MEX3C: variants seen among roughly 807,000 people sequenced by gnomAD.
MEX3C encodes RNA-binding E3 ubiquitin-protein ligase MEX3C.
In MEX3C, 15 loss-of-function variants were observed where a neutral mutation model predicts 35.5. That is an observed-to-expected ratio of 0.42 (90% CI 0.28 to 0.65). The LOEUF (loss-of-function observed/expected upper bound fraction) is 0.65. MEX3C is among the 30% of genes least tolerant of loss of function. The probability of loss-of-function intolerance (pLI) is 0.20; values close to 1 mark genes in which losing one functional copy is unlikely to be tolerated. For synonymous variants in MEX3C, 390 were observed against 352.8 expected (o/e 1.11, Z -1.18); for missense variants, 711 against 842.8 (o/e 0.84, Z 1.94).
chr18:51,177,205 T>A lies in MEX3C; in HGVS notation c.1126A>T (p.Met376Leu), dbSNP rs765338708. The A allele has an allele frequency of 6.2e-7, 1 of 1,613,876 alleles. No homozygotes were observed. Among genetic ancestry groups the A allele is most frequent in the Non-Finnish European group, 8.5e-7 (1 of 1,179,900 alleles). The change falls in exon 2 of 2, where the codon ATG becomes TTG. Residue 376 changes from methionine to leucine, a missense_variant. Met to Leu is a conservative substitution (Grantham distance 15). Transcript: ENST00000406189. The surrounding 1 kb of genome is among the most constrained non-coding windows in gnomAD (Gnocchi z 4.2). Reference sequence around the variant, plus strand: ...CGTGCTCGGTCAACATTTTCAGGCATCCCTGTCACTTCAAAGACAGGTTCC... The same window carrying A: ...CGTGCTCGGTCAACATTTTCAGGCAACCCTGTCACTTCAAAGACAGGTTCC... ...DKEPVFEVTG[M>L]PENVDRAREE...
Position 51,177,146 on chromosome 18 carries a change from T to C in MEX3C, c.1185A>G (p.Thr395=), listed in dbSNP as rs780376177. The change falls in exon 2 of 2, where the codon ACA becomes ACG. Residue 395 remains threonine, a synonymous_variant. Transcript: ENST00000406189. This position sits in a 1 kb window ranked among gnomAD's most constrained non-coding sequence, Gnocchi z 4.2. ...EEIEMHIAMR[T]GNYIELNEEN... ...CTTCATTGAGCTCTATATAGTTTCC[T>C]GTACGCATGGCAATATGCATTTCTA... 1.2e-6 allele frequency: 2 copies of C among 1,613,828 alleles called. No homozygotes were observed. The highest frequency in any genetic ancestry group is 1.7e-5 in the Admixed American group (1 of 60,006).
At chr18:51,181,014 G>A (rs1344208002) in intron 1 of MEX3C, among the ~76,000 whole-genome samples, 2 of 152,106 alleles carry the variant, frequency 1.3e-5, no homozygotes, top group African/African-American at 4.8e-5. Flanking sequence ...CTTTTTAAAA[G>A]GTGACACAAA....
rs776224061 is a variant in MEX3C, at chr18:51,176,730, C to A, written c.1601G>T (p.Arg534Leu). 2 of 1,613,978 alleles carry A rather than the reference C, an allele frequency of 1.2e-6. No homozygotes were observed. The highest frequency in any genetic ancestry group is 1.7e-6 in the Non-Finnish European group (2 of 1,179,896). The change falls in exon 2 of 2, where the codon CGC (arginine) becomes CTC (leucine). Residue 534 changes from arginine to leucine, a missense_variant. By Grantham distance (102) the Arg-to-Leu change is moderately radical. Transcript: ENST00000406189. ...AGGAGTAGATGGCTGACTTCCTCTGCGCTGAGTCTTCATGTTACCAGAAGG... is the reference window on the plus strand; with the variant it reads ...AGGAGTAGATGGCTGACTTCCTCTGAGCTGAGTCTTCATGTTACCAGAAGG... ...SDPSGNMKTQ[R>L]RGSQPSTPRL...
At chr18:51,183,617 G>A (rs780639453) in intron 1 of MEX3C, among the ~76,000 whole-genome samples, 5 of 152,136 alleles carry the variant, frequency 3.3e-5, no homozygotes, top group Non-Finnish European at 7.3e-5. Context: ...ATCCAAATCA[G>A]TTCAGCTTAA....
At chr18:51,180,470 A>G (rs1207938724) in intron 1 of MEX3C, among the ~76,000 whole-genome samples, 1 of 152,004 alleles carries the variant, frequency 6.6e-6, no homozygotes, top group Non-Finnish European at 1.5e-5. Flanking sequence ...CAGCAAAGCC[A>G]ACCCTGGTTT....
rs1243120015 is a variant in MEX3C at position 51,177,202 on chromosome 18, G to C, written c.1129C>G (p.Pro377Ala). The part of the protein sequence containing the change: ...KEPVFEVTGM[P>A]ENVDRAREEI... ...TCCCGTGCTCGGTCAACATTTTCAGGCATCCCTGTCACTTCAAAGACAGGT... is the reference window on the plus strand; with the variant it reads ...TCCCGTGCTCGGTCAACATTTTCAGCCATCCCTGTCACTTCAAAGACAGGT... The change falls in exon 2 of 2, where the codon CCT becomes GCT. Residue 377 changes from proline to alanine, a missense_variant. Around this residue, in one of 4 missense-constraint regions of MEX3C, gnomAD observed 83 missense variants for 179.1 expected, o/e 0.46. Transcript: ENST00000406189. This position sits in a 1 kb window ranked among gnomAD's most constrained non-coding sequence, Gnocchi z 4.2. 6.2e-7 allele frequency: 1 copy of C among 1,613,644 alleles called. No individual in the cohort carries two copies. Among genetic ancestry groups the C allele is most frequent in the African/African-American group, 1.3e-5 (1 of 75,012 alleles).
rs183141947 is a variant in MEX3C at position 51,177,026 on chromosome 18, G to A, written c.1305C>T (p.Arg435=). ...WLSSNPVPPS[R]ARMISNYRND... ...TTCGATAATTGGATATCATTCTTGC[G>A]CGGCTAGGAGGAACAGGATTGGAGG... Residue 435 remains arginine (R), a synonymous_variant, in exon 2 of 2, where the codon CGC becomes CGT. Coordinates refer to ENST00000406189, the MANE Select transcript of MEX3C (RefSeq NM_016626.5). This position sits in a 1 kb window ranked among gnomAD's most constrained non-coding sequence, Gnocchi z 4.2. 31 of 1,613,964 alleles carry A rather than the reference G, an allele frequency of 1.9e-5. No individual in the cohort carries two copies. The highest frequency in any genetic ancestry group is 1.3e-4 in the Admixed American group (8 of 60,006).
At chr18:51,189,903 T>A (rs1410322558) in intron 1 of MEX3C, among the ~76,000 whole-genome samples, 1 of 152,208 alleles carries the variant, frequency 6.6e-6, no homozygotes, top group African/African-American at 2.4e-5. Flanking sequence ...TTACATAATT[T>A]ATTGGTATAG....
chr18:51,176,534 A>G lies in MEX3C; in HGVS notation c.1797T>C (p.Pro599=). 6.2e-7 allele frequency: 1 copy of G among 1,613,922 alleles called. No individual in the cohort carries two copies. Among genetic ancestry groups the G allele is most frequent in the Non-Finnish European group, 8.5e-7 (1 of 1,179,886 alleles). Residue 599 remains proline, a synonymous_variant, in exon 2 of 2, where the codon CCT becomes CCC. Coordinates refer to ENST00000406189, the MANE Select transcript of MEX3C (RefSeq NM_016626.5). ...AGTCGTGCTTTCGTCTTGATTCTGG[A>G]GGTGAGCTAGAGGTGGAACCACCAT... The part of the protein sequence containing the change: ...SSNGGSTSSS[P]PESRRKHDCV...
rs35265343 is a variant in MEX3C at position 51,177,359 on chromosome 18, G to A, written c.972C>T (p.Pro324=). ...LGGLSCSPNL[P]GQTTVQVRVP... ...CCCTGACTTGGACGGTGGTTTGACC[G>A]GGCAGATTAGGACTACATGATAATC... The change falls in exon 2 of 2, where the codon CCC becomes CCT. Residue 324 remains proline, a synonymous_variant. Coordinates refer to ENST00000406189, the MANE Select transcript of MEX3C (RefSeq NM_016626.5). The surrounding 1 kb of genome is among the most constrained non-coding windows in gnomAD (Gnocchi z 4.2). The A allele has an allele frequency of 7.7e-5, 125 of 1,613,900 alleles. No homozygotes were observed. Among genetic ancestry groups the A allele is most frequent in the Non-Finnish European group, 1.0e-4 (120 of 1,179,882 alleles).
Position 51,196,548 on chromosome 18 carries a change from T to A in MEX3C, c.754+19A>T, listed in dbSNP as rs1261177063. 1.3e-6 allele frequency: 2 copies of A among 1,559,128 alleles called. No individual in the cohort carries two copies. The highest frequency in any genetic ancestry group is 8.6e-7 in the Non-Finnish European group (1 of 1,160,620). On this transcript the variant is annotated intron_variant, in intron 1 of 1. Transcript: ENST00000406189. ...GCCCGGGGCCATGCCCAGCTGGACCTCCCCACCCCTGCACTCACCCTGGCG... is the reference window on the plus strand; with the variant it reads ...GCCCGGGGCCATGCCCAGCTGGACCACCCCACCCCTGCACTCACCCTGGCG...
At chr18:51,190,435 A>G (rs1912627521) in intron 1 of MEX3C, among the ~76,000 whole-genome samples, 1 of 152,234 alleles carries the variant, frequency 6.6e-6, no homozygotes, top group Admixed American at 6.5e-5. Flanking sequence ...CTTCCCCTTC[A>G]ATCATGTTCA....
chr18:51,180,126 GA>G (rs1398481754), intron 1 of MEX3C, among the ~76,000 whole-genome samples: 2 of 151,926 alleles, frequency 1.3e-5, no homozygotes, highest in African/African-American at 4.8e-5. Context: ...AAATAAAAGA[GA>G]AAAAAGAAAA....
At chr18:51,187,870 T>C (rs925327750) in intron 1 of MEX3C, among the ~76,000 whole-genome samples, 2 of 152,242 alleles carry the variant, frequency 1.3e-5, no homozygotes, top group African/African-American at 2.4e-5. Flanking sequence ...TTTCATTTTA[T>C]AGAAACACAT....
chr18:51,185,508 C>T (rs924672398), intron 1 of MEX3C, among the ~76,000 whole-genome samples: 7 of 152,216 alleles, frequency 4.6e-5, no homozygotes, highest in Non-Finnish European at 7.3e-5. Context: ...TGCAACATCC[C>T]TTTTGCCAAA....
intron 1 of MEX3C, chr18:51,196,288 TG>T (rs1912784978): frequency 1.6e-6 from 1 of 606,572 alleles, no homozygotes; most frequent in Non-Finnish European, 2.6e-6. Flanking sequence ...CACGCCAGCC[TG>T]GTGTTCCACG....
At chr18:51,195,741 ACTC>A (rs1443642912) in intron 1 of MEX3C, 3 of 151,916 alleles carry the variant, frequency 2.0e-5, no homozygotes, top group African/African-American at 7.3e-5. Context: ...TCACAAATCT[ACTC>A]CTGGAATCTG....
intron 1 of MEX3C, among the ~76,000 whole-genome samples, chr18:51,183,360 CCAT>C (rs1912469213): frequency 6.6e-6 from 1 of 152,116 alleles, no homozygotes; most frequent in African/African-American, 2.4e-5. Flanking sequence ...AGAAAAAGCA[CCAT>C]GTGATAAAGA....
At chr18:51,195,108 T>C (rs1425086795) in intron 1 of MEX3C, 5 of 152,224 alleles carry the variant, frequency 3.3e-5, no homozygotes, top group Admixed American at 6.5e-5. Flanking sequence ...AAATACAAGC[T>C]TGGTACATAG....
Sources: gnomAD v4.1 joint callset for allele counts (sites outside exome capture counted in the v4.1 genomes callset) on GRCh38, gnomAD v4.1.1 for gene constraint, gnomAD v4.1.1 regional missense constraint, Gnocchi (gnomAD v3.1) non-coding constraint, MANE v1.5 for transcripts, NCBI Gene and HGNC (gene_info 2026-07-23, HGNC 2026-07-21) for gene names.